RFWD3: variants seen among roughly 807,000 people sequenced by gnomAD.
The protein encoded by RFWD3 is E3 ubiquitin-protein ligase RFWD3.
RFWD3 carries 65 observed loss-of-function variants against 87.7 expected under a neutral mutation model. The ratio of observed to expected loss-of-function variants is 0.74; its 90% CI spans 0.61 to 0.91. The LOEUF (loss-of-function observed/expected upper bound fraction) is 0.91, where lower values mean the gene tolerates loss of function less well. RFWD3 is among the 40% of genes least tolerant of loss of function. The probability of loss-of-function intolerance (pLI) is 0.00; values close to 1 mark genes in which losing one functional copy is unlikely to be tolerated. For synonymous variants in RFWD3, 433 were observed against 352.8 expected (o/e 1.23, Z -2.55); for missense variants, 1,078 against 938.5 (o/e 1.15, Z -1.94).
chr16:74,655,433 G>C (rs1960894683), intron 2 of RFWD3, among the ~76,000 whole-genome samples: 1 of 150,694 alleles, frequency 6.6e-6, no homozygotes, highest in South Asian at 2.1e-4. Context: ...ATTTTTAGTA[G>C]AGATGAGGTT....
Position 74,661,054 on chromosome 16 carries a change from G to T in RFWD3, c.396C>A (p.Gly132=), listed in dbSNP as rs763234685. 15 of 1,614,112 alleles carry T rather than the reference G, an allele frequency of 9.3e-6. No individual in the cohort carries two copies. The South Asian group carries it at 1.6e-4, about 18-fold the overall frequency. Reference sequence around the variant, plus strand: ...ATGAAGGTCTCAGGAATTCCAGCATGCCATGAAGTCTCTGCAGTCCGCTGA... The same window carrying T: ...ATGAAGGTCTCAGGAATTCCAGCATTCCATGAAGTCTCTGCAGTCCGCTGA... ...NFISGLQRLH[G]MLEFLRPSSS... is the part of the protein sequence containing the mutation. The change falls in exon 2 of 13, where the codon GGC becomes GGA. Residue 132 remains glycine, a synonymous_variant. Coordinates refer to ENST00000361070, the MANE Select transcript of RFWD3 (RefSeq NM_018124.4).
chr16:74,647,330 C>A (rs1385632423), intron 4 of RFWD3, among the ~76,000 whole-genome samples: 3 of 151,918 alleles, frequency 2.0e-5, no homozygotes, highest in Non-Finnish European at 4.4e-5. Context: ...GTCTGTTACC[C>A]AGGCTGGAGT....
At chr16:74,647,791 C>T (rs1259833053) in intron 4 of RFWD3, among the ~76,000 whole-genome samples, 5 of 152,172 alleles carry the variant, frequency 3.3e-5, no homozygotes, top group Admixed American at 2.0e-4. Context: ...GGGGTTTCGC[C>T]ATGTTGGCCA....
chr16:74,666,176 G>A (rs912108052), intron 1 of RFWD3: 2 of 144,266 alleles, frequency 1.4e-5, no homozygotes, highest in Admixed American at 7.0e-5. Context: ...AGATTAGATA[G>A]ACAGATTAGA....
chr16:74,652,112 G>A lies in RFWD3; in HGVS notation c.529C>T (p.Pro177Ser), dbSNP rs778563910. ...CTCACCTGAAAGTAAGCATCCAATG[G>A]TGCTCTCAACCTATGTACACAGAAA... ...QRTDSARLRA[P>S]LDAYFQVSRT... Residue 177 changes from proline to serine, a missense_variant, in exon 3 of 13, where the codon CCA (proline) becomes TCA (serine). Physicochemically the swap from Pro to Ser is moderately conservative, Grantham distance 74. Coordinates refer to ENST00000361070, the MANE Select transcript of RFWD3 (RefSeq NM_018124.4). 4.3e-6 allele frequency: 7 copies of A among 1,613,840 alleles called. No homozygotes were observed. In the Admixed American group the frequency reaches 8.3e-5, roughly 19 times the overall value.
chr16:74,663,242 C>A (rs965179862), intron 1 of RFWD3, among the ~76,000 whole-genome samples: 7 of 152,108 alleles, frequency 4.6e-5, no homozygotes, highest in Non-Finnish European at 1.0e-4. Flanking sequence ...GCAGATTAAA[C>A]CACCTGAGGA....
intron 4 of RFWD3, 86 bp downstream of exon 4, chr16:74,649,046 C>T: frequency 3.7e-6 from 3 of 805,594 alleles, no homozygotes; most frequent in Non-Finnish European, 3.8e-6. Context: ...TGCACCACTG[C>T]ACTCTAGCCT....
At chr16:74,635,456 G>C (rs1959187619) in intron 8 of RFWD3, among the ~76,000 whole-genome samples, 1 of 139,528 alleles carries the variant, frequency 7.2e-6, no homozygotes, top group Non-Finnish European at 1.5e-5. Context: ...AAAAGAGTGA[G>C]ACTCCATCTC....
At chr16:74,662,345 G>C (rs139051278) in intron 1 of RFWD3, among the ~76,000 whole-genome samples, 1 of 151,992 alleles carries the variant, frequency 6.6e-6, no homozygotes, top group Admixed American at 6.6e-5. Flanking sequence ...ATTTTCATCT[G>C]ACTTATGAGG....
chr16:74,638,369 TAAAA>T (rs749972718), intron 6 of RFWD3, among the ~76,000 whole-genome samples: 1 of 151,986 alleles, frequency 6.6e-6, no homozygotes, highest in Non-Finnish European at 1.5e-5. Context: ...AATCTGAAGT[TAAAA>T]AGAGCAAAAG....
intron 1 of RFWD3, among the ~76,000 whole-genome samples, chr16:74,662,982 G>A (rs1961580880): frequency 1.3e-5 from 2 of 151,262 alleles, no homozygotes; most frequent in African/African-American, 4.9e-5. Context: ...TCGGCTCACT[G>A]CAAGCTCCGC....
chr16:74,628,369 C>A (rs1479025647), intron 11 of RFWD3, 83 bp downstream of exon 11: 14 of 1,341,520 alleles, frequency 1.0e-5, no homozygotes, highest in Non-Finnish European at 1.5e-5. Flanking sequence ...CACAGCCACC[C>A]AAAGGGTAGG....
intron 8 of RFWD3, among the ~76,000 whole-genome samples, chr16:74,633,346 AG>A (rs1248842578): frequency 1.3e-5 from 2 of 151,696 alleles, no homozygotes; most frequent in Admixed American, 1.3e-4. Context: ...GAAGAGAAGA[AG>A]AAAAAAAAAA....
At chr16:74,634,105 T>C (rs1959173831) in intron 8 of RFWD3, among the ~76,000 whole-genome samples, 2 of 152,146 alleles carry the variant, frequency 1.3e-5, no homozygotes, top group Admixed American at 1.3e-4. Context: ...TCAATTCTAC[T>C]TCAATAAAGC....
intron 8 of RFWD3, among the ~76,000 whole-genome samples, chr16:74,635,636 T>C (rs781489396): frequency 6.6e-6 from 1 of 152,224 alleles, no homozygotes; most frequent in Non-Finnish European, 1.5e-5. Flanking sequence ...GAAATAGCTA[T>C]TTTTCCAATT....
At chr16:74,654,338 T>C (rs1025003517) in intron 2 of RFWD3, among the ~76,000 whole-genome samples, 3 of 152,236 alleles carry the variant, frequency 2.0e-5, no homozygotes, top group Non-Finnish European at 4.4e-5. Flanking sequence ...TTATTATTTC[T>C]TTCTGTCTGC....
chr16:74,646,429 C>A (rs571949114), intron 4 of RFWD3, among the ~76,000 whole-genome samples: 196 of 152,306 alleles, frequency 1.3e-3, no homozygotes, highest in Admixed American at 2.5e-3. Flanking sequence ...TTATTACCCT[C>A]CCAAGTAGTT....
intron 6 of RFWD3, among the ~76,000 whole-genome samples, chr16:74,641,589 A>G (rs1182190931): frequency 6.6e-6 from 1 of 152,176 alleles, no homozygotes; most frequent in Admixed American, 6.5e-5. Context: ...AGCAAGCTAC[A>G]GAAGAAAAAG....
chr16:74,636,838 G>A (rs990863709), intron 7 of RFWD3, among the ~76,000 whole-genome samples: 2 of 151,692 alleles, frequency 1.3e-5, no homozygotes, highest in Non-Finnish European at 2.9e-5. Context: ...AGCCTCCTGA[G>A]TAGCTGGGAT....
Sources: allele counts gnomAD v4.1 joint callset (sites outside exome capture counted in the v4.1 genomes callset), GRCh38; gene constraint gnomAD v4.1.1; transcripts MANE v1.5; gene names NCBI Gene and HGNC (gene_info 2026-07-23, HGNC 2026-07-21).